SLC35F1: variants seen among roughly 807,000 people sequenced by gnomAD.
SLC35F1 encodes the protein solute carrier family 35 member F1.
Under a neutral mutation model 48.7 loss-of-function variants are expected in SLC35F1, and 14 were observed. The observed-to-expected ratio is 0.29, with a 90% CI of 0.19 to 0.45. The LOEUF is 0.45. Ranked by LOEUF, SLC35F1 falls within the 20% of genes least tolerant of loss-of-function variation. The pLI is 1.00. For missense variants in SLC35F1, 404 were observed against 500.0 expected (o/e 0.81, Z 1.83); for synonymous variants, 190 against 202.2 (o/e 0.94, Z 0.51).
chr6:118,291,496 G>A (rs1392118358), intron 7 of SLC35F1, among the ~76,000 whole-genome samples: 2 of 152,100 alleles, frequency 1.3e-5, no homozygotes, highest in East Asian at 1.9e-4. Context: ...TTCCCATTCT[G>A]TGATTGTCTT....
At chr6:118,269,359 G>A (rs978829305) in intron 4 of SLC35F1, among the ~76,000 whole-genome samples, 1 of 152,290 alleles carries the variant, frequency 6.6e-6, no homozygotes, top group Non-Finnish European at 1.5e-5. Flanking sequence ...AGTGTTAACA[G>A]AATTAAGCTT....
intron 2 of SLC35F1, among the ~76,000 whole-genome samples, chr6:118,224,631 G>A (rs1322107450): frequency 2.6e-5 from 4 of 152,168 alleles, no homozygotes; most frequent in African/African-American, 9.7e-5. Flanking sequence ...TAAAGTGACT[G>A]AATTGATTTC....
intron 1 of SLC35F1, among the ~76,000 whole-genome samples, chr6:117,928,597 AT>A (rs1449618660): frequency 6.6e-6 from 1 of 152,196 alleles, no homozygotes; most frequent in Non-Finnish European, 1.5e-5. Context: ...ATTTCTAATC[AT>A]TAATTAGATG....
At chr6:118,056,184 A>C (rs2114263371) in intron 1 of SLC35F1, among the ~76,000 whole-genome samples, 1 of 152,308 alleles carries the variant, frequency 6.6e-6, no homozygotes, top group South Asian at 2.1e-4. Context: ...TCTCTAGCAT[A>C]TATGTTAGGT....
At chr6:117,999,592 A>G (rs1777058809) in intron 1 of SLC35F1, 2 of 609,442 alleles carry the variant, frequency 3.3e-6, no homozygotes, top group Non-Finnish European at 5.5e-6. Context: ...AGAAATACCT[A>G]AAATCAGAGC....
chr6:118,089,713 C>T (rs771431249), intron 1 of SLC35F1, among the ~76,000 whole-genome samples: 1 of 152,140 alleles, frequency 6.6e-6, no homozygotes, highest in Non-Finnish European at 1.5e-5. Flanking sequence ...TATTTTCATG[C>T]CTTTATTGTC....
intron 1 of SLC35F1, among the ~76,000 whole-genome samples, chr6:118,102,341 A>G (rs1436611491): frequency 6.6e-6 from 1 of 152,028 alleles, no homozygotes; most frequent in African/African-American, 2.4e-5. Context: ...GCACCGCCAC[A>G]CCCAGCTAAG....
intron 2 of SLC35F1, among the ~76,000 whole-genome samples, chr6:118,217,070 T>A (rs1003403173): frequency 2.6e-5 from 4 of 152,232 alleles, no homozygotes; most frequent in African/African-American, 9.6e-5. Context: ...CAGCTTCATT[T>A]ATCATTTGAC....
chr6:118,021,022 G>C (rs989154600), intron 1 of SLC35F1, among the ~76,000 whole-genome samples: 5 of 152,028 alleles, frequency 3.3e-5, no homozygotes, highest in African/African-American at 1.2e-4. Flanking sequence ...TTTTACATGG[G>C]GACATAATTA....
chr6:117,997,813 C>A (rs1391145969), intron 1 of SLC35F1, among the ~76,000 whole-genome samples: 1 of 152,148 alleles, frequency 6.6e-6, no homozygotes, highest in Non-Finnish European at 1.5e-5. Flanking sequence ...CCAGCCACTG[C>A]AAAATCATAC....
In SLC35F1 at chr6:117,923,673, A is replaced by ATGTACATG. The variant is rs1491034221; in HGVS notation, c.173+15781_173+15782insGTGTACAT. On this transcript the variant is annotated intron_variant, in intron 1 of 7. Coordinates refer to ENST00000360388, the MANE Select transcript of SLC35F1 (RefSeq NM_001029858.4). ...TATGTACATATGTATATATACATAT[A>ATGTACATG]TGTACATATATACATATGTACATAT... Among the ~76,000 whole-genome samples the ATGTACATG allele has an allele frequency of 5.4e-5, 4 of 73,768 alleles. 1 individual carries two copies. The highest frequency in any genetic ancestry group is 1.0e-4 in the African/African-American group (2 of 19,558). The allele number at this position is 73,768 out of a possible 152,430, so 48.4% of individuals were successfully genotyped here. A position where few individuals can be genotyped will look rare whatever the true frequency, so the allele number is the denominator to read the frequency against.
intron 2 of SLC35F1, among the ~76,000 whole-genome samples, chr6:118,180,054 C>CTGT (rs773914467): frequency 2.3e-4 from 35 of 152,118 alleles, no homozygotes; most frequent in Non-Finnish European, 4.9e-4. Context: ...GAGTTTTGGT[C>CTGT]TGTTGATAGC....
intron 5 of SLC35F1, among the ~76,000 whole-genome samples, chr6:118,277,268 G>C (rs376133774): frequency 6.6e-6 from 1 of 152,178 alleles, no homozygotes; most frequent in African/African-American, 2.4e-5. Flanking sequence ...AGGGTTGAGC[G>C]CCCCAGGGCC....
At chr6:118,169,092 A>T (rs78099377) in intron 2 of SLC35F1, among the ~76,000 whole-genome samples, 107 of 152,328 alleles carry the variant, frequency 7.0e-4, no homozygotes, top group African/African-American at 2.5e-3. Context: ...ACCATATCAT[A>T]GTATTCTAGA....
At chr6:118,271,562 G>C (rs1210196634) in intron 4 of SLC35F1, among the ~76,000 whole-genome samples, 1 of 152,146 alleles carries the variant, frequency 6.6e-6, no homozygotes. Flanking sequence ...TGCACTGATA[G>C]TCTTTCAACA....
chr6:118,068,658 C>T (rs928274721), intron 1 of SLC35F1, among the ~76,000 whole-genome samples: 1 of 152,050 alleles, frequency 6.6e-6, no homozygotes, highest in African/African-American at 2.4e-5. Context: ...CATTATCCCC[C>T]CTTAAGATGA....
intron 3 of SLC35F1, among the ~76,000 whole-genome samples, chr6:118,264,640 A>G (rs918658849): frequency 2.0e-5 from 3 of 152,218 alleles, no homozygotes; most frequent in Non-Finnish European, 2.9e-5. Context: ...CTTGCCCTCA[A>G]TAATTCAGGA....
At chr6:118,266,534 C>T (rs1230209380) in intron 3 of SLC35F1, among the ~76,000 whole-genome samples, 2 of 152,174 alleles carry the variant, frequency 1.3e-5, no homozygotes, top group African/African-American at 4.8e-5. Context: ...CAACTTTTGT[C>T]TAATTTCTAA....
At chr6:118,107,460 T>C (rs1277693105) in intron 1 of SLC35F1, among the ~76,000 whole-genome samples, 1 of 152,214 alleles carries the variant, frequency 6.6e-6, no homozygotes, top group African/African-American at 2.4e-5. Context: ...TATTTGTTCC[T>C]CAAATAGAAT....
Sources: allele counts gnomAD v4.1 joint callset (sites outside exome capture counted in the v4.1 genomes callset), GRCh38; gene constraint gnomAD v4.1.1; transcripts MANE v1.5; gene names NCBI Gene and HGNC (gene_info 2026-07-23, HGNC 2026-07-21).